Variants in GPC4 observed in about 807,000 individuals in gnomAD.
The protein encoded by GPC4 is glypican 4, also known as glypican-4.
In GPC4, 10 loss-of-function variants were observed where a neutral mutation model predicts 35.0. That is an observed-to-expected ratio of 0.29 (90% CI 0.18 to 0.48). The LOEUF is 0.48. Ranked by LOEUF, GPC4 falls within the 20% of genes least tolerant of loss-of-function variation. The pLI is 0.99. For missense variants in GPC4, 322 were observed against 451.3 expected, an observed-to-expected ratio of 0.71 and a Z score of 2.60; for synonymous variants, 167 against 170.2, an observed-to-expected ratio of 0.98 and a Z score of 0.15.
At chrX:133,366,860 A>C (rs920660851) in intron 1 of GPC4, among the ~76,000 whole-genome samples, 12 of 112,135 alleles carry the variant, frequency 1.1e-4, no homozygotes, top group African/African-American at 2.9e-4. Context: ...AATCAATCAG[A>C]TTGCAAGCCA....
In GPC4 at chrX:133,300,280, A is replaced by G. The variant is rs1345547205; in HGVS notation, c.*2587T>C. The G allele has an allele frequency of 4.4e-5, 5 of 112,631 alleles. No individual in the cohort carries two copies. Among genetic ancestry groups the G allele is most frequent in the African/African-American group, 6.4e-5 (2 of 31,068 alleles). The allele number at this position is 112,631 out of a possible 1,213,427, so 9.3% of individuals were successfully genotyped here. ...CTAGTTACGATTTTTGAAATAAAAT[A>G]TAAATCTAAGAGTTGTAAAATCTTT... On this transcript the variant is annotated 3_prime_UTR_variant, in exon 9 of 9. Transcript: ENST00000370828.
In GPC4 at chrX:133,379,493, T is replaced by A. The variant is rs186216729; in HGVS notation, c.160+35313A>T. On this transcript the variant is annotated intron_variant, in intron 1 of 8. Coordinates refer to ENST00000370828, the MANE Select transcript of GPC4 (RefSeq NM_001448.3). ...ACGAAAATGTTCTAGAACTAGATAG[T>A]CTTAATGGTTGGATGACACTGTTTA... 1.6e-4 allele frequency among the ~76,000 whole-genome samples: 18 copies of A among 112,118 alleles called. No individual in the cohort carries two copies. In the East Asian group the frequency reaches 3.1e-3, roughly 19 times the overall value.
In GPC4 at chrX:133,303,210, A is replaced by T; in HGVS notation, c.1424T>A (p.Met475Lys). 1 of 1,211,902 alleles carries T rather than the reference A, an allele frequency of 8.3e-7. No individual in the cohort carries two copies. Among genetic ancestry groups the T allele is most frequent in the Non-Finnish European group, 1.1e-6 (1 of 895,519 alleles). The change falls in exon 8 of 9, where the codon ATG becomes AAG. Residue 475 changes from methionine to lysine, a missense_variant. By Grantham distance (95) the Met-to-Lys change is moderately conservative. This residue lies in a region of GPC4 where 99 missense variants were observed against 110.0 expected (regional missense o/e 0.90). Coordinates refer to ENST00000370828, the MANE Select transcript of GPC4 (RefSeq NM_001448.3). ...IMALRVMTSKMKNAYNGNDVD... is the reference protein window; with the variant it reads ...IMALRVMTSKKKNAYNGNDVD... ...GTCGTTCCCATTGTATGCATTCTTC[A>T]TCTTGCTGGTCATCACTCGAAGAGC...
chrX:133,405,104 CTTTTTTTT>C (rs746824918), intron 1 of GPC4, among the ~76,000 whole-genome samples: 1 of 67,164 alleles, frequency 1.5e-5, no homozygotes, highest in Non-Finnish European at 2.6e-5. Flanking sequence ...CAATAGAACT[CTTTTTTTT>C]TTTTTTTTTT....
intron 1 of GPC4, among the ~76,000 whole-genome samples, chrX:133,398,474 T>G (rs999251966): frequency 2.7e-5 from 3 of 111,480 alleles, no homozygotes; most frequent in Non-Finnish European, 5.7e-5. Context: ...AACTAAGAAA[T>G]AGGGATCTAC....
In GPC4 at chrX:133,339,466, T is replaced by C. The variant is rs2068457435; in HGVS notation, c.161-125A>G. On this transcript the variant is annotated intron_variant, in intron 1 of 8. Transcript: ENST00000370828. ...CAAAGGCCCAGGCAACATGTGTATCTAACAAGTTCCAGGAAGTCTAAAAAT... is the reference window on the plus strand; with the variant it reads ...CAAAGGCCCAGGCAACATGTGTATCCAACAAGTTCCAGGAAGTCTAAAAAT... 6 of 510,163 alleles carry C rather than the reference T, an allele frequency of 1.2e-5. No individual in the cohort carries two copies. In the South Asian group the frequency reaches 2.6e-4, roughly 22 times the overall value. 42.0% of individuals were successfully genotyped at this position (510,163 alleles called of 1,213,427 possible). A position where few individuals can be genotyped will look rare whatever the true frequency, so the allele number is the denominator to read the frequency against.
At chrX:133,390,968 C>T (rs749679852) in intron 1 of GPC4, among the ~76,000 whole-genome samples, 1 of 111,371 alleles carries the variant, frequency 9.0e-6, no homozygotes, top group African/African-American at 3.3e-5. Flanking sequence ...ATAGCTGTGT[C>T]CACTTAGAAT....
intron 1 of GPC4, among the ~76,000 whole-genome samples, chrX:133,408,092 A>G (rs767303294): frequency 1.8e-5 from 2 of 112,671 alleles, no homozygotes; most frequent in African/African-American, 3.2e-5. Flanking sequence ...CTTAAACATA[A>G]TATTTCAAAT....
At chrX:133,340,525 G>T (rs1172098902) in intron 1 of GPC4, among the ~76,000 whole-genome samples, 1 of 111,845 alleles carries the variant, frequency 8.9e-6, no homozygotes, top group African/African-American at 3.3e-5. Context: ...CCTGTCAATG[G>T]TAAGTGTGAC....
chrX:133,380,328 CTCTG>C (rs1439904213), intron 1 of GPC4, among the ~76,000 whole-genome samples: 2 of 109,446 alleles, frequency 1.8e-5, no homozygotes, highest in Non-Finnish European at 3.8e-5. Flanking sequence ...CAGATCAAGA[CTCTG>C]TCTGCCCGCA....
At chrX:133,396,985 C>G (rs754654509) in intron 1 of GPC4, among the ~76,000 whole-genome samples, 10 of 111,928 alleles carry the variant, frequency 8.9e-5, no homozygotes, top group Non-Finnish European at 1.7e-4. Flanking sequence ...ACAGACCCAG[C>G]AGAGAGAGAA....
chrX:133,354,571 T>TTTTTA (rs1556030378), intron 1 of GPC4, among the ~76,000 whole-genome samples: 1 of 99,731 alleles, frequency 1.0e-5, no homozygotes, highest in African/African-American at 4.3e-5. Flanking sequence ...TTTATTTATT[T>TTTTTA]TTTTTTTTGA....
At chrX:133,413,800 G>A (rs990628325) in intron 1 of GPC4, among the ~76,000 whole-genome samples, 6 of 112,060 alleles carry the variant, frequency 5.4e-5, no homozygotes, top group African/African-American at 1.9e-4. Context: ...ACCCGGAGGG[G>A]ACCCGGCCGG....
chrX:133,376,560 T>C (rs751883254), intron 1 of GPC4, among the ~76,000 whole-genome samples: 1 of 112,427 alleles, frequency 8.9e-6, no homozygotes, highest in African/African-American at 3.2e-5. Flanking sequence ...TAACTTAATG[T>C]GTTGGTAGCT....
chrX:133,322,089 T>G (rs972806172), intron 3 of GPC4, among the ~76,000 whole-genome samples: 3 of 111,561 alleles, frequency 2.7e-5, no homozygotes, highest in Admixed American at 1.9e-4. Context: ...AAGTTTTCTC[T>G]CCAACTAGAG....
At chrX:133,337,671 T>C (rs892749412) in intron 2 of GPC4, among the ~76,000 whole-genome samples, 4 of 111,144 alleles carry the variant, frequency 3.6e-5, no homozygotes, top group Non-Finnish European at 7.5e-5. Flanking sequence ...CTAAGTTTTC[T>C]CCCCAAAGTA....
intron 3 of GPC4, among the ~76,000 whole-genome samples, chrX:133,316,049 C>T (rs1025156407): frequency 9.0e-6 from 1 of 111,516 alleles, no homozygotes; most frequent in Non-Finnish European, 1.9e-5. Context: ...GCTTATTTAG[C>T]TTTTATGGTT....
chrX:133,307,886 G>A (rs1444268054), intron 4 of GPC4, among the ~76,000 whole-genome samples: 3 of 112,244 alleles, frequency 2.7e-5, no homozygotes, highest in East Asian at 2.8e-4. Context: ...GTTTGTGAAA[G>A]ACTGAAAGGA....
intron 1 of GPC4, among the ~76,000 whole-genome samples, chrX:133,365,132 T>A (rs1369363246): frequency 8.9e-6 from 1 of 111,978 alleles, no homozygotes; most frequent in Non-Finnish European, 1.9e-5. Flanking sequence ...CAAAGCCAAG[T>A]AAGTTTTTTT....
Sources: allele counts gnomAD v4.1 joint callset (sites outside exome capture counted in the v4.1 genomes callset), GRCh38; gene constraint gnomAD v4.1.1; regional missense constraint gnomAD v4.1.1; transcripts MANE v1.5; gene names NCBI Gene and HGNC (gene_info 2026-07-23, HGNC 2026-07-21).